Variants in CLASRP observed in about 807,000 individuals in gnomAD.
CLASRP encodes CLK4-associating serine/arginine rich protein.
In CLASRP, 52 loss-of-function variants were observed where a neutral mutation model predicts 99.9. The ratio of observed to expected loss-of-function variants is 0.52; its 90% CI spans 0.42 to 0.66. CLASRP has a LOEUF of 0.66. Ranked by LOEUF, CLASRP falls within the 30% of genes least tolerant of loss-of-function variation. The pLI is 0.00. For missense variants in CLASRP, 848 were observed against 999.2 expected (o/e 0.85, Z 2.04); for synonymous variants, 379 against 373.0 (o/e 1.02, Z -0.18).
At chr19:45,051,983 T>C (rs1449331153) in intron 2 of CLASRP, 88 bp from the exon 3 acceptor site, 2 of 982,952 alleles carry the variant, frequency 2.0e-6, no homozygotes, top group Non-Finnish European at 3.1e-6. Context: ...AAAAAAGAAG[T>C]GAGCTTGCTG....
intron 2 of CLASRP, among the ~76,000 whole-genome samples, chr19:45,047,958 G>A (rs568819954): frequency 1.3e-5 from 2 of 152,010 alleles, no homozygotes; most frequent in Non-Finnish European, 2.9e-5. Flanking sequence ...GTTGGTGCAT[G>A]CCTGTACTCG....
intron 6 of CLASRP, among the ~76,000 whole-genome samples, chr19:45,057,314 G>A (rs1328712591): frequency 1.3e-5 from 2 of 152,146 alleles, no homozygotes; most frequent in African/African-American, 4.8e-5. Context: ...GGACTGTACT[G>A]GGAGCTTCTT....
chr19:45,039,655 C>A, intron 1 of CLASRP: 1 of 155,112 alleles, frequency 6.4e-6, no homozygotes, highest in Non-Finnish European at 1.4e-5. Flanking sequence ...CCGCCACGCC[C>A]TTCACCTGTC....
At chr19:45,064,293 G>A in intron 12 of CLASRP, 50 bp from the exon 13 acceptor site, 6 of 1,508,996 alleles carry the variant, frequency 4.0e-6, no homozygotes, top group Non-Finnish European at 5.3e-6. Context: ...GGGCAGAGGG[G>A]GGCCGCGGCT....
At chr19:45,057,618 G>A in intron 6 of CLASRP, 132 bp from the exon 7 acceptor site, 2 of 1,001,368 alleles carry the variant, frequency 2.0e-6, no homozygotes, top group Non-Finnish European at 3.0e-6. Flanking sequence ...GTGTGGGCAG[G>A]AGCAGAGGGT....
rs1284276027 is a variant in CLASRP, at chr19:45,060,569, C to T, written c.805C>T (p.Arg269Cys). Reference protein sequence around the residue: ...KAMYSGRRSRRQRREFREKRL... With the variant: ...KAMYSGRRSRCQRREFREKRL... ...CCTACTCCAGGGACGCCGCTCTCGA[C>T]GCCAGCGGAGAGAGTTTCGGGAGAA... Residue 269 changes from arginine (R) to cysteine (C), a missense_variant, in exon 10 of 21, where the codon CGC (arginine) becomes TGC (cysteine). Around this residue, in one of 8 missense-constraint regions of CLASRP, gnomAD observed 119 missense variants for 170.2 expected, o/e 0.70. Transcript: ENST00000221455. The surrounding 1 kb of genome is among the most constrained non-coding windows in gnomAD (Gnocchi z 4.6). 2 of 1,613,036 alleles carry T rather than the reference C, an allele frequency of 1.2e-6. No individual in the cohort carries two copies. Among genetic ancestry groups the T allele is most frequent in the Non-Finnish European group, 1.7e-6 (2 of 1,179,622 alleles).
chr19:45,067,405 G>A lies in CLASRP; in HGVS notation c.1478G>A (p.Arg493His), dbSNP rs751562643. 16 of 1,532,742 alleles carry A rather than the reference G, an allele frequency of 1.0e-5. No homozygotes were observed. The highest frequency in any genetic ancestry group is 9.5e-5 in the South Asian group (8 of 83,852). 94.9% of individuals were successfully genotyped at this position (1,532,742 alleles called of 1,614,324 possible). Residue 493 changes from arginine (R) to histidine (H), a missense_variant, in exon 14 of 21, where the codon CGC (arginine) becomes CAC (histidine). Physicochemically the swap from Arg to His is conservative, Grantham distance 29. This residue lies in a region of CLASRP where 489 missense variants were observed against 434.7 expected (regional missense o/e 1.12). Transcript: ENST00000221455. This position sits in a 1 kb window ranked among gnomAD's most constrained non-coding sequence, Gnocchi z 4.9. ...GGCCTCAGGCACCACAGCAGTAGCC[G>A]CAGCCGCAGCAGCTGGTCCCTCAGC... Reference protein sequence around the residue: ...GRGLRHHSSSRSRSSWSLSPS... With the variant: ...GRGLRHHSSSHSRSSWSLSPS...
In CLASRP at chr19:45,067,366, G is replaced by C; in HGVS notation, c.1439G>C (p.Arg480Thr). The change falls in exon 14 of 21, where the codon AGG (arginine) becomes ACG (threonine). Residue 480 changes from arginine to threonine, a missense_variant. This residue lies in a region of CLASRP where 489 missense variants were observed against 434.7 expected (regional missense o/e 1.12). Transcript: ENST00000221455. This position sits in a 1 kb window ranked among gnomAD's most constrained non-coding sequence, Gnocchi z 4.9. ...CGCTCCCACTCAGGGGACCGCTACA[G>C]GCGGGGCGGCCGGGGCCTCAGGCAC... ...RSRSHSGDRY[R>T]RGGRGLRHHS... 6.6e-7 allele frequency: 1 copy of C among 1,526,350 alleles called. No homozygotes were observed. Among genetic ancestry groups the C allele is most frequent in the Non-Finnish European group, 8.8e-7 (1 of 1,141,310 alleles). The allele number at this position is 1,526,350 out of a possible 1,614,324, so 94.6% of individuals were successfully genotyped here.
At chr19:45,052,232 G>A in intron 3 of CLASRP, 64 bp downstream of exon 3, 1 of 1,394,596 alleles carries the variant, frequency 7.2e-7, no homozygotes, top group Non-Finnish European at 1.0e-6. Flanking sequence ...ACCTGGGGTG[G>A]TGTAGAGTGT....
chr19:45,059,150 T>A (rs1966884538), intron 7 of CLASRP, 118 bp from the exon 8 acceptor site: 3 of 810,028 alleles, frequency 3.7e-6, no homozygotes, highest in African/African-American at 1.7e-5. Context: ...TGCCATCCCT[T>A]CCTGAAGAAT....
At chr19:45,042,703 C>T (rs967290272) in intron 2 of CLASRP, among the ~76,000 whole-genome samples, 10 of 151,934 alleles carry the variant, frequency 6.6e-5, no homozygotes, top group African/African-American at 2.4e-4. Context: ...ACGTCCACCC[C>T]CCAGGTTCAA....
chr19:45,058,002 C>G (rs548258174), intron 7 of CLASRP, 104 bp downstream of exon 7: 102 of 1,445,384 alleles, frequency 7.1e-5, no homozygotes, highest in Non-Finnish European at 8.7e-5. Context: ...AACCGTGTCT[C>G]TCTCCCTACC....
intron 7 of CLASRP, chr19:45,058,120 A>G: frequency 1.7e-6 from 1 of 590,522 alleles, no homozygotes; most frequent in South Asian, 2.1e-5. Flanking sequence ...TGCTATTTCT[A>G]TGATCTTTTC....
Position 45,053,178 on chromosome 19 carries a change from G to A in CLASRP, c.379+1G>A. On this transcript the variant is annotated splice_donor_variant, in intron 5 of 20. Transcript: ENST00000221455. LOFTEE classifies it high-confidence loss of function. ...CTGGTGCAGAACGACTTTGCCGGCAGTGAGTGATCTGTGGGGGGACGTGGG... is the reference window on the plus strand; with the variant it reads ...CTGGTGCAGAACGACTTTGCCGGCAATGAGTGATCTGTGGGGGGACGTGGG... 1 of 1,614,104 alleles carries A rather than the reference G, an allele frequency of 6.2e-7. No individual in the cohort carries two copies. Among genetic ancestry groups the A allele is most frequent in the Non-Finnish European group, 8.5e-7 (1 of 1,180,006 alleles).
Position 45,052,833 on chromosome 19 carries a change from C to T in CLASRP, c.240C>T (p.Phe80=), listed in dbSNP as rs772274617. The change falls in exon 4 of 21, where the codon TTC becomes TTT. Residue 80 remains phenylalanine (F), a synonymous_variant. Coordinates refer to ENST00000221455, the MANE Select transcript of CLASRP (RefSeq NM_007056.3). ...QGDTNNMIDR[F]DVRAHLDHIP... is the part of the protein sequence containing the mutation. Reference sequence around the variant, plus strand: ...ACACCAACAACATGATTGACCGATTCGATGTCCGTGCCCACCTGGACCACA... The same window carrying T: ...ACACCAACAACATGATTGACCGATTTGATGTCCGTGCCCACCTGGACCACA... The T allele has an allele frequency of 8.1e-6, 13 of 1,612,544 alleles. No homozygotes were observed. The highest frequency in any genetic ancestry group is 1.1e-5 in the South Asian group (1 of 90,958).
At position 45,068,042 on chromosome 19, in the gene CLASRP, A is replaced by C; in HGVS notation, c.1695A>C (p.Thr565=). 6.2e-7 allele frequency: 1 copy of C among 1,613,910 alleles called. No individual in the cohort carries two copies. Among genetic ancestry groups the C allele is most frequent in the Non-Finnish European group, 8.5e-7 (1 of 1,179,814 alleles). Residue 565 remains threonine (T), a synonymous_variant, in exon 15 of 21, where the codon ACA becomes ACC. Transcript: ENST00000221455. ...KKTEPAAGKE[T]GAAKPKLTPQ... ...CCGAACCTGCCGCTGGTAAAGAGAC[A>C]GGAGCTGCCAAAGTCAGTAAGAATT...
At position 45,067,856 on chromosome 19, in the gene CLASRP, C is replaced by G. The variant is rs976025202; in HGVS notation, c.1668-159C>G. On this transcript the variant is annotated intron_variant, in intron 14 of 20. Transcript: ENST00000221455. This position sits in a 1 kb window ranked among gnomAD's most constrained non-coding sequence, Gnocchi z 4.9. ...CAGAGGGGGACAGGTCCCTGTCTTACAGGTTCTGTGGGGTCTGAGAGGGAC... is the reference window on the plus strand; with the variant it reads ...CAGAGGGGGACAGGTCCCTGTCTTAGAGGTTCTGTGGGGTCTGAGAGGGAC... Among the ~76,000 whole-genome samples the G allele has an allele frequency of 1.3e-5, 2 of 152,134 alleles. No homozygotes were observed. The highest frequency in any genetic ancestry group is 2.9e-5 in the Non-Finnish European group (2 of 68,018).
intron 5 of CLASRP, 130 bp downstream of exon 5, chr19:45,053,307 C>G (rs1057473484): frequency 7.7e-6 from 6 of 776,874 alleles, no homozygotes; most frequent in Non-Finnish European, 1.1e-5. Context: ...GGCTCCAGCT[C>G]TACGATAGAC....
intron 18 of CLASRP, chr19:45,069,681 C>T (rs867041956): frequency 1.0e-4 from 44 of 439,392 alleles, no homozygotes; most frequent in African/African-American, 7.5e-4. Flanking sequence ...ACGGAGGAGG[C>T]ACCCAGTAGA....
Sources: allele counts gnomAD v4.1 joint callset (sites outside exome capture counted in the v4.1 genomes callset), GRCh38; gene constraint gnomAD v4.1.1; regional missense constraint gnomAD v4.1.1; non-coding constraint Gnocchi (gnomAD v3.1); transcripts MANE v1.5; gene names NCBI Gene and HGNC (gene_info 2026-07-23, HGNC 2026-07-21).